The following ARHGEF28 variants were observed in gnomAD, a reference collection of about 807,000 sequenced individuals.
The protein encoded by ARHGEF28 is Rho guanine nucleotide exchange factor 28, also known as 190 kDa guanine nucleotide exchange factor.
ARHGEF28 carries 152 observed loss-of-function variants against 206.6 expected under a neutral mutation model. The observed-to-expected ratio is 0.74, with a 90% CI of 0.64 to 0.84. The LOEUF (loss-of-function observed/expected upper bound fraction) is 0.84. Among genes scored for constraint, ARHGEF28 ranks in the 40% least tolerant of loss-of-function variants. ARHGEF28 has a pLI of 0.00. For missense variants in ARHGEF28, 2,028 were observed against 2,073.2 expected (o/e 0.98, Z 0.42); for synonymous variants, 763 against 776.4 (o/e 0.98, Z 0.29).
intron 35 of ARHGEF28, among the ~76,000 whole-genome samples, chr5:73,913,841 T>C (rs899640292): frequency 1.3e-5 from 2 of 152,202 alleles, no homozygotes; most frequent in African/African-American, 4.8e-5. Context: ...CATGATTTCA[T>C]TCAGGCTTCA....
chr5:73,904,600 A>G, intron 33 of ARHGEF28, 195 bp downstream of exon 33: 1 of 579,942 alleles, frequency 1.7e-6, no homozygotes, highest in Non-Finnish European at 3.0e-6. Context: ...TACATTTTAT[A>G]CCATTCTTCT....
At chr5:73,668,882 A>G (rs1746134077) in intron 1 of ARHGEF28, among the ~76,000 whole-genome samples, 1 of 152,206 alleles carries the variant, frequency 6.6e-6, no homozygotes, top group Admixed American at 6.5e-5. Context: ...GTCTCATGAA[A>G]ATATAACTTT....
chr5:73,776,625 G>T lies in ARHGEF28; in HGVS notation c.769G>T (p.Ala257Ser). ...GCTGACCCTGACCCTGAACCACACA[G>T]CCGAGCATTTGTTGGAGGCAGATAT... ...ETLTLTLNHT[A>S]EHLLEADIKL... The change falls in exon 6 of 36, where the codon GCC becomes TCC. Residue 257 changes from alanine to serine, a missense_variant. By Grantham distance (99) the Ala-to-Ser change is moderately conservative. Transcript: ENST00000513042. The T allele has an allele frequency of 6.2e-7, 1 of 1,613,890 alleles. No homozygotes were observed. The highest frequency in any genetic ancestry group is 8.5e-7 in the Non-Finnish European group (1 of 1,179,786).
intron 2 of ARHGEF28, among the ~76,000 whole-genome samples, chr5:73,711,531 A>T (rs1362059506): frequency 6.6e-6 from 1 of 152,104 alleles, no homozygotes; most frequent in Non-Finnish European, 1.5e-5. Context: ...TAGCATACAG[A>T]TCTTACACAT....
At chr5:73,769,634 G>A (rs572644309) in intron 4 of ARHGEF28, among the ~76,000 whole-genome samples, 1 of 152,152 alleles carries the variant, frequency 6.6e-6, no homozygotes, top group East Asian at 1.9e-4. Context: ...TATATTTTTT[G>A]CATGGTTTCT....
intron 7 of ARHGEF28, among the ~76,000 whole-genome samples, chr5:73,790,392 C>A (rs564878071): frequency 7.2e-5 from 11 of 151,984 alleles, no homozygotes; most frequent in Non-Finnish European, 1.5e-4. Context: ...AAGAAGATGT[C>A]TTAAATTCTT....
At chr5:73,912,659 T>C (rs999185195) in intron 35 of ARHGEF28, among the ~76,000 whole-genome samples, 1 of 152,240 alleles carries the variant, frequency 6.6e-6, no homozygotes, top group African/African-American at 2.4e-5. Context: ...AATAGTTTTT[T>C]AAAGTATTAT....
intron 1 of ARHGEF28, among the ~76,000 whole-genome samples, chr5:73,668,919 G>A (rs1746136150): frequency 6.6e-6 from 1 of 152,104 alleles, no homozygotes; most frequent in South Asian, 2.1e-4. Context: ...CACTTCAAAC[G>A]CTTCAGTAAA....
At chr5:73,846,217 GCT>G (rs1368582472) in intron 11 of ARHGEF28, 49 bp from the exon 12 acceptor site, 1 of 1,544,090 alleles carries the variant, frequency 6.5e-7, no homozygotes, top group East Asian at 2.3e-5. Context: ...AACCAATGAC[GCT>G]CTGTGTCCTT....
chr5:73,911,805 A>G, intron 35 of ARHGEF28: 2 of 482,392 alleles, frequency 4.1e-6, no homozygotes, highest in Non-Finnish European at 3.7e-6. Flanking sequence ...GAGAATGCTC[A>G]CAACATGTGA....
rs548194682 is a variant in ARHGEF28 at position 73,904,165 on chromosome 5, G to A, written c.4075-57G>A. The stretch of plus-strand genomic sequence containing the variant: ...AGGTCATACATTTTGGGACACTGCA[G>A]GGCAGCTTTTCAGAAGTAGAATGGT... On this transcript the variant is annotated intron_variant, in intron 31 of 35. Transcript: ENST00000513042. 107 of 1,578,164 alleles carry A rather than the reference G, an allele frequency of 6.8e-5. 1 individual carries two copies. The South Asian group carries it at 1.1e-3, about 17-fold the overall frequency.
At chr5:73,833,029 TGA>T (rs1180682131) in intron 10 of ARHGEF28, among the ~76,000 whole-genome samples, 1 of 152,224 alleles carries the variant, frequency 6.6e-6, no homozygotes, top group African/African-American at 2.4e-5. Flanking sequence ...TAGAGACTTT[TGA>T]GTTAAATCTC....
chr5:73,828,736 CTCTT>C (rs1050876275), intron 9 of ARHGEF28, among the ~76,000 whole-genome samples: 5 of 148,708 alleles, frequency 3.4e-5, no homozygotes, highest in Admixed American at 6.8e-5. Context: ...CTCTGTCTTT[CTCTT>C]TCTTTCTCTC....
Position 73,780,648 on chromosome 5 carries a change from T to C in ARHGEF28, c.841-28T>C, listed in dbSNP as rs1410537967. 3.3e-6 allele frequency: 5 copies of C among 1,513,446 alleles called. No individual in the cohort carries two copies. In the East Asian group the frequency reaches 1.2e-4, roughly 38 times the overall value. The allele number at this position is 1,513,446 out of a possible 1,614,324, so 93.8% of individuals were successfully genotyped here. Reference sequence around the variant, plus strand: ...CCTCAAATGGTTTTCTGTGCTTTTTTGTTTTTTTTTTCCCCATTGTTTCCT... The same window carrying C: ...CCTCAAATGGTTTTCTGTGCTTTTTCGTTTTTTTTTTCCCCATTGTTTCCT... On this transcript the variant is annotated intron_variant, in intron 6 of 35. Coordinates refer to ENST00000513042, the MANE Select transcript of ARHGEF28 (RefSeq NM_001177693.2).
At chr5:73,675,289 A>T (rs940936463) in intron 1 of ARHGEF28, among the ~76,000 whole-genome samples, 2 of 152,204 alleles carry the variant, frequency 1.3e-5, no homozygotes, top group African/African-American at 4.8e-5. Flanking sequence ...GTGAGATTAT[A>T]GTAGAAGAAA....
intron 16 of ARHGEF28, 73 bp from the exon 17 acceptor site, chr5:73,864,744 C>G: frequency 7.7e-7 from 1 of 1,292,700 alleles, no homozygotes; most frequent in Non-Finnish European, 1.1e-6. Context: ...CCAGTGAAAG[C>G]ATGATGTAGT....
At chr5:73,900,912 A>G (rs1056182942) in intron 30 of ARHGEF28, 2 of 302,224 alleles carry the variant, frequency 6.6e-6, no homozygotes, top group Non-Finnish European at 1.3e-5. Flanking sequence ...ACGACACACG[A>G]ACACTTCAGT....
At chr5:73,896,246 T>A (rs1435532434) in intron 29 of ARHGEF28, among the ~76,000 whole-genome samples, 1 of 152,008 alleles carries the variant, frequency 6.6e-6, no homozygotes, top group East Asian at 1.9e-4. Context: ...TTGGGGAGGA[T>A]CATCTTGGGC....
chr5:73,681,760 A>G (rs1046404055), intron 1 of ARHGEF28, among the ~76,000 whole-genome samples: 2 of 152,150 alleles, frequency 1.3e-5, no homozygotes, highest in Non-Finnish European at 2.9e-5. Flanking sequence ...GTTTGCAGTG[A>G]GCCAAAATCA....
Sources: gnomAD v4.1 joint callset for allele counts (sites outside exome capture counted in the v4.1 genomes callset) on GRCh38, gnomAD v4.1.1 for gene constraint, MANE v1.5 for transcripts, NCBI Gene and HGNC (gene_info 2026-07-23, HGNC 2026-07-21) for gene names.